The following THRB variants were observed in gnomAD, a reference collection of about 807,000 sequenced individuals.
The protein encoded by THRB is nuclear receptor subfamily 1 group A member 2.
In THRB, 12 loss-of-function variants were observed where a neutral mutation model predicts 47.8. That is an observed-to-expected ratio of 0.25 (90% CI 0.16 to 0.41). The LOEUF (loss-of-function observed/expected upper bound fraction) is 0.41, where lower values mean the gene tolerates loss of function less well. THRB is among the 10% of genes least tolerant of loss of function. THRB has a pLI of 1.00. For synonymous variants in THRB, 218 were observed against 212.2 expected (o/e 1.03, Z -0.24); for missense variants, 348 against 589.2 (o/e 0.59, Z 4.24).
At chr3:24,131,214 G>T (rs890222137) in intron 9 of THRB, among the ~76,000 whole-genome samples, 1 of 152,124 alleles carries the variant, frequency 6.6e-6, no homozygotes, top group Admixed American at 6.5e-5. Flanking sequence ...ATATGTGTGT[G>T]TGCACACACA....
At chr3:24,460,554 A>C (rs982543853) in intron 1 of THRB, among the ~76,000 whole-genome samples, 1 of 152,218 alleles carries the variant, frequency 6.6e-6, no homozygotes, top group Admixed American at 6.5e-5. Context: ...TACTGTAATT[A>C]AAGGGAAGAG....
At chr3:24,428,296 G>A (rs2069984277) in intron 1 of THRB, among the ~76,000 whole-genome samples, 1 of 152,018 alleles carries the variant, frequency 6.6e-6, no homozygotes, top group East Asian at 1.9e-4. Context: ...ACATTGGACA[G>A]TGTTGCTATT....
chr3:24,386,649 T>C (rs77828687), intron 1 of THRB, among the ~76,000 whole-genome samples: 1 of 152,246 alleles, frequency 6.6e-6, no homozygotes, highest in East Asian at 1.9e-4. Context: ...TCCCTTCAGT[T>C]TGAATGCTCT....
At chr3:24,316,416 T>C (rs1244154904) in intron 2 of THRB, among the ~76,000 whole-genome samples, 1 of 152,008 alleles carries the variant, frequency 6.6e-6, no homozygotes, top group Non-Finnish European at 1.5e-5. Context: ...CCTTCCTTCC[T>C]TTTTTCCTTT....
Position 24,122,571 on chromosome 3 carries a change from C to G in THRB, c.*313G>C. 2 of 416,292 alleles carry G rather than the reference C, an allele frequency of 4.8e-6. No individual in the cohort carries two copies. Among genetic ancestry groups the G allele is most frequent in the Non-Finnish European group, 9.0e-6 (2 of 221,932 alleles). The allele number at this position is 416,292 out of a possible 1,614,324, so 25.8% of individuals were successfully genotyped here. ...GTCCTGTGGCGCCATTTTGCTGACT[C>G]AAGTCTTGGACCAGGGACGGGTGGG... is the stretch of plus-strand genomic sequence containing the variant. On this transcript the variant is annotated 3_prime_UTR_variant, in exon 11 of 11. Transcript: ENST00000646209.
At chr3:24,450,254 T>A (rs1406519519) in intron 1 of THRB, among the ~76,000 whole-genome samples, 1 of 152,188 alleles carries the variant, frequency 6.6e-6, no homozygotes, top group Admixed American at 6.5e-5. Context: ...GTATTTATTC[T>A]TGGGAAATAA....
chr3:24,470,588 T>C (rs143932906), intron 1 of THRB, among the ~76,000 whole-genome samples: 4 of 152,326 alleles, frequency 2.6e-5, no homozygotes, highest in African/African-American at 9.6e-5. Context: ...GGCAGAACTG[T>C]GAATCAAAGC....
At chr3:24,341,727 T>C (rs375310651) in intron 1 of THRB, among the ~76,000 whole-genome samples, 24 of 152,208 alleles carry the variant, frequency 1.6e-4, no homozygotes, top group African/African-American at 5.8e-4. Flanking sequence ...TTATCAGATA[T>C]GCTGCATATA....
intron 1 of THRB, among the ~76,000 whole-genome samples, chr3:24,430,504 A>G (rs1310435643): frequency 6.6e-6 from 1 of 152,066 alleles, no homozygotes; most frequent in East Asian, 1.9e-4. Flanking sequence ...AAACGTAAAG[A>G]CAACATTTTT....
At chr3:24,405,883 T>C (rs2067785149) in intron 1 of THRB, among the ~76,000 whole-genome samples, 1 of 151,644 alleles carries the variant, frequency 6.6e-6, no homozygotes, top group African/African-American at 2.4e-5. Context: ...TATTTTCTTA[T>C]TAAATGTCAT....
chr3:24,273,776 A>T (rs577919561), intron 3 of THRB, among the ~76,000 whole-genome samples: 2 of 152,162 alleles, frequency 1.3e-5, no homozygotes, highest in Non-Finnish European at 2.9e-5. Context: ...GTAGAGCACA[A>T]TACTATCTTC....
Position 24,122,757 on chromosome 3 carries a change from GACT to G in THRB, c.*124_*126del. 5 of 1,353,572 alleles carry G rather than the reference GACT, an allele frequency of 3.7e-6. No homozygotes were observed. Among genetic ancestry groups the G allele is most frequent in the Non-Finnish European group, 4.2e-6 (4 of 952,680 alleles). 83.8% of individuals were successfully genotyped at this position (1,353,572 alleles called of 1,614,324 possible). ...CAATTTCATCCATGTCTATGCCAAG[GACT>G]ACTTCCCTTTTCCCTCCCAAATAAT... is the stretch of plus-strand genomic sequence containing the variant. On this transcript the variant is annotated 3_prime_UTR_variant, in exon 11 of 11. Coordinates refer to ENST00000646209, the MANE Select transcript of THRB (RefSeq NM_001354712.2).
intron 1 of THRB, among the ~76,000 whole-genome samples, chr3:24,451,307 C>A (rs2072630242): frequency 6.8e-6 from 1 of 146,444 alleles, no homozygotes; most frequent in African/African-American, 2.6e-5. Flanking sequence ...GATCTCAGCT[C>A]ACTGCAACCT....
intron 3 of THRB, among the ~76,000 whole-genome samples, chr3:24,279,562 T>C (rs2054313213): frequency 1.3e-4 from 1 of 7,854 alleles, no homozygotes; most frequent in East Asian, 0.042. Flanking sequence ...TTTTTTTGTA[T>C]TTTTTTTTTT....
At chr3:24,162,708 T>G (rs557386246) in intron 5 of THRB, among the ~76,000 whole-genome samples, 5 of 151,280 alleles carry the variant, frequency 3.3e-5, no homozygotes, top group Non-Finnish European at 7.4e-5. Flanking sequence ...AAAAACTTTG[T>G]AGAAAAACAA....
intron 1 of THRB, among the ~76,000 whole-genome samples, chr3:24,360,987 T>C (rs78267576): frequency 0.088 from 13,375 of 152,166 alleles, 1,890 homozygotes; most frequent in African/African-American, 0.3. Context: ...AACCACTGGG[T>C]TGGCTCCTAC....
At chr3:24,384,874 C>A (rs887593305) in intron 1 of THRB, among the ~76,000 whole-genome samples, 2 of 152,052 alleles carry the variant, frequency 1.3e-5, no homozygotes, top group Non-Finnish European at 2.9e-5. Flanking sequence ...AGGAGGTAGC[C>A]TCCTGGGTTT....
intron 6 of THRB, among the ~76,000 whole-genome samples, chr3:24,150,502 TAC>T (rs1160183441): frequency 6.6e-6 from 1 of 152,206 alleles, no homozygotes; most frequent in Non-Finnish European, 1.5e-5. Context: ...TAGATTTTGC[TAC>T]ACGATTTCTT....
intron 1 of THRB, among the ~76,000 whole-genome samples, chr3:24,446,162 G>A (rs1459037288): frequency 6.6e-6 from 1 of 152,162 alleles, no homozygotes; most frequent in African/African-American, 2.4e-5. Flanking sequence ...TCAGAAGCTG[G>A]ACACACTGGT....
Sources: gnomAD v4.1 joint callset for allele counts (sites outside exome capture counted in the v4.1 genomes callset) on GRCh38, gnomAD v4.1.1 for gene constraint, MANE v1.5 for transcripts, NCBI Gene and HGNC (gene_info 2026-07-23, HGNC 2026-07-21) for gene names.